The following RBM25 variants were observed in gnomAD, a reference collection of about 807,000 sequenced individuals.
RBM25 encodes the protein RNA binding motif protein 25.
In RBM25, 19 loss-of-function variants were observed where a neutral mutation model predicts 120.7. That is an observed-to-expected ratio of 0.16 (90% CI 0.11 to 0.23). The LOEUF (loss-of-function observed/expected upper bound fraction) is 0.23, where lower values mean the gene tolerates loss of function less well. RBM25 is among the 10% of genes least tolerant of loss of function. RBM25 has a pLI of 1.00. For synonymous variants in RBM25, 390 were observed against 326.7 expected, an observed-to-expected ratio of 1.19 and a Z score of -2.09; for missense variants, 605 against 1,041.5, an observed-to-expected ratio of 0.58 and a Z score of 5.77.
chr14:73,105,038 T>TACACACACACACACAC (rs57281649), intron 10 of RBM25, among the ~76,000 whole-genome samples: 30,825 of 140,922 alleles, frequency 0.22, 3,813 homozygotes, highest in Non-Finnish European at 0.28. Context: ...ACATATTAAA[T>TACACACACACACACAC]ACACACACAC....
chr14:73,105,876 G>T lies in RBM25; in HGVS notation c.1172G>T (p.Arg391Leu). Reference protein sequence around the residue: ...RSRSREKSRDRERERERERER... With the variant: ...RSRSREKSRDLERERERERER... ...TACATTAGAGAAAAAAGCAGAGATC[G>T]TGAAAGGGAACGAGAGCGGGAAAGA... The change falls in exon 11 of 19, where the codon CGT becomes CTT. Residue 391 changes from arginine (R) to leucine (L), a missense_variant. Coordinates refer to ENST00000261973, the MANE Select transcript of RBM25 (RefSeq NM_021239.3). 2 of 1,610,798 alleles carry T rather than the reference G, an allele frequency of 1.2e-6. No homozygotes were observed. The highest frequency in any genetic ancestry group is 1.7e-6 in the Non-Finnish European group (2 of 1,178,908).
chr14:73,061,865 CTTGTTT>C (rs923176557), intron 1 of RBM25, among the ~76,000 whole-genome samples: 3 of 151,388 alleles, frequency 2.0e-5, no homozygotes, highest in Admixed American at 2.0e-4. Context: ...TGTGCCCAGC[CTTGTTT>C]TTGTTTTTAA....
chr14:73,068,168 G>T, intron 1 of RBM25: 1 of 840,992 alleles, frequency 1.2e-6, no homozygotes, highest in Non-Finnish European at 2.0e-6. Context: ...GGATGCTTTA[G>T]TGGTCTCTTG....
chr14:73,082,049 T>G (rs1034006280), intron 4 of RBM25, among the ~76,000 whole-genome samples: 1 of 152,204 alleles, frequency 6.6e-6, no homozygotes, highest in Non-Finnish European at 1.5e-5. Flanking sequence ...TTTACTTTCT[T>G]CAGGAACTCT....
intron 18 of RBM25, among the ~76,000 whole-genome samples, chr14:73,117,479 CCTAG>C (rs769511991): frequency 1.1e-4 from 17 of 152,052 alleles, no homozygotes; most frequent in Non-Finnish European, 2.4e-4. Flanking sequence ...GATCTGCCTA[CCTAG>C]GCCTCCCAAA....
intron 1 of RBM25, among the ~76,000 whole-genome samples, chr14:73,066,682 C>A (rs1337952013): frequency 6.6e-6 from 1 of 150,912 alleles, no homozygotes. Flanking sequence ...CTAGGGATTC[C>A]TTTACCTATA....
chr14:73,087,863 TTGG>T, intron 5 of RBM25, 135 bp from the exon 6 acceptor site: 3 of 767,852 alleles, frequency 3.9e-6, no homozygotes, highest in Non-Finnish European at 6.0e-6. Context: ...TCAAAGGGAA[TTGG>T]TGGACAGGGG....
chr14:73,083,672 G>C, intron 5 of RBM25, 121 bp downstream of exon 5: 1 of 605,406 alleles, frequency 1.7e-6, no homozygotes, highest in Non-Finnish European at 2.5e-6. Flanking sequence ...AGCACTCTTT[G>C]TCCTCTTTTT....
chr14:73,099,473 C>T (rs1292349871), intron 8 of RBM25, 40 bp downstream of exon 8: 1 of 1,597,506 alleles, frequency 6.3e-7, no homozygotes, highest in Non-Finnish European at 8.6e-7. Context: ...CCTGTGTTTA[C>T]TGCTGATTGT....
chr14:73,104,357 T>C (rs943860416), intron 10 of RBM25, among the ~76,000 whole-genome samples: 1 of 151,754 alleles, frequency 6.6e-6, no homozygotes, highest in Non-Finnish European at 1.5e-5. Flanking sequence ...ATTTAAAATT[T>C]TTTAATTATA....
At chr14:73,088,322 T>C in intron 6 of RBM25, 161 bp downstream of exon 6, 3 of 938,790 alleles carry the variant, frequency 3.2e-6, no homozygotes, top group Non-Finnish European at 5.0e-6. Context: ...TTATTTTAAG[T>C]CTTATCTGCC....
intron 4 of RBM25, among the ~76,000 whole-genome samples, chr14:73,078,929 TC>T (rs1895490214): frequency 6.6e-6 from 1 of 152,180 alleles, no homozygotes; most frequent in South Asian, 2.1e-4. Context: ...AGACTGTGAG[TC>T]CTTTTCCCCA....
At chr14:73,103,608 C>T in intron 10 of RBM25, 130 bp downstream of exon 10, 1 of 1,346,298 alleles carries the variant, frequency 7.4e-7, no homozygotes, top group Non-Finnish European at 9.8e-7. Flanking sequence ...CTCTGTCACT[C>T]AGCCTGGACT....
At position 73,111,652 on chromosome 14, in the gene RBM25, C is replaced by G; in HGVS notation, c.2142C>G (p.Pro714=). ...DDVPRKRKLV[P]LDYGEDDKNA... ...TACCCCGAAAAAGGAAACTGGTTCC[C>G]TTGGATTATGGTGAAGATGATAAAA... is the stretch of plus-strand genomic sequence containing the variant. The change falls in exon 16 of 19, where the codon CCC becomes CCG. Residue 714 remains proline (P), a synonymous_variant. Coordinates refer to ENST00000261973, the MANE Select transcript of RBM25 (RefSeq NM_021239.3). The G allele has an allele frequency of 1.2e-6, 2 of 1,614,098 alleles. No homozygotes were observed. Among genetic ancestry groups the G allele is most frequent in the Non-Finnish European group, 1.7e-6 (2 of 1,180,020 alleles).
chr14:73,083,693 G>A, intron 5 of RBM25, 142 bp downstream of exon 5: 1 of 510,726 alleles, frequency 2.0e-6, no homozygotes, highest in Non-Finnish European at 3.2e-6. Context: ...TATTGAAATA[G>A]GGTTAAAAGG....
At chr14:73,066,467 T>C (rs894986199) in intron 1 of RBM25, among the ~76,000 whole-genome samples, 1 of 152,076 alleles carries the variant, frequency 6.6e-6, no homozygotes, top group Non-Finnish European at 1.5e-5. Context: ...TGAAACCCCG[T>C]CTCTACTAAA....
intron 1 of RBM25, among the ~76,000 whole-genome samples, chr14:73,060,920 A>C (rs1481791344): frequency 6.6e-6 from 1 of 151,396 alleles, no homozygotes; most frequent in Non-Finnish European, 1.5e-5. Flanking sequence ...TAAATACTTA[A>C]GTGTATTTTC....
intron 3 of RBM25, 28 bp from the exon 4 acceptor site, chr14:73,077,341 C>A: frequency 6.4e-7 from 1 of 1,558,744 alleles, no homozygotes; most frequent in South Asian, 1.2e-5. Context: ...ATTGCTGGAT[C>A]AATTTTTATT....
At chr14:73,116,026 C>G (rs1896419686) in intron 18 of RBM25, among the ~76,000 whole-genome samples, 1 of 151,448 alleles carries the variant, frequency 6.6e-6, no homozygotes, top group African/African-American at 2.4e-5. Flanking sequence ...GATAGCTGCT[C>G]TTACAGTGGA....
Sources: gnomAD v4.1 joint callset for allele counts (sites outside exome capture counted in the v4.1 genomes callset) on GRCh38, gnomAD v4.1.1 for gene constraint, MANE v1.5 for transcripts, NCBI Gene and HGNC (gene_info 2026-07-23, HGNC 2026-07-21) for gene names.